ITPK1: variants seen among roughly 807,000 people sequenced by gnomAD.
The protein encoded by ITPK1 is inositol 1,3,4-trisphosphate 5/6-kinase.
ITPK1 carries 21 observed loss-of-function variants against 45.3 expected under a neutral mutation model. The ratio of observed to expected loss-of-function variants is 0.46; its 90% CI spans 0.33 to 0.67. The LOEUF (loss-of-function observed/expected upper bound fraction) is 0.67. Ranked by LOEUF, ITPK1 falls within the 30% of genes least tolerant of loss-of-function variation. ITPK1 has a pLI of 0.02. For synonymous variants in ITPK1, 258 were observed against 253.6 expected, an observed-to-expected ratio of 1.02 and a Z score of -0.16; for missense variants, 474 against 573.5, an observed-to-expected ratio of 0.83 and a Z score of 1.77.
chr14:93,034,778 C>T lies in ITPK1; in HGVS notation c.121-17977G>A, dbSNP rs1403958455. The stretch of plus-strand genomic sequence containing the variant: ...GCGGAGAAGGCTGGCATGGCCCCAG[C>T]ACACACGGGCAGTGGGCAGTGGGCA... On this transcript the variant is annotated intron_variant, in intron 3 of 10. Transcript: ENST00000267615. The surrounding 1 kb of genome is among the most constrained non-coding windows in gnomAD (Gnocchi z 4.1). 6.6e-6 allele frequency among the ~76,000 whole-genome samples: 1 copy of T among 152,272 alleles called. No individual in the cohort carries two copies. The highest frequency in any genetic ancestry group is 2.4e-5 in the African/African-American group (1 of 41,482).
chr14:93,028,417 A>G (rs1030942273), intron 3 of ITPK1, among the ~76,000 whole-genome samples: 10 of 152,168 alleles, frequency 6.6e-5, no homozygotes, highest in Admixed American at 1.3e-4. Context: ...AGCCAGGACA[A>G]TCTCTCCCCA....
intron 2 of ITPK1, among the ~76,000 whole-genome samples, chr14:93,103,547 C>T (rs1169879561): frequency 6.6e-6 from 1 of 152,166 alleles, no homozygotes; most frequent in Non-Finnish European, 1.5e-5. Context: ...AAGACTGACC[C>T]TGGGGCTCCA....
rs552669314 is a variant in ITPK1 at position 92,938,253 on chromosome 14, C to T, written c.*3308G>A. ...GATGACAGGCGTGAGCCGCCATGCC[C>T]GGCCAGAGTTTCTAGGGAATAGAAG... On this transcript the variant is annotated 3_prime_UTR_variant, in exon 11 of 11. Transcript: ENST00000267615. 11 of 590,020 alleles carry T rather than the reference C, an allele frequency of 1.9e-5. 1 individual carries two copies. The highest frequency in any genetic ancestry group is 2.7e-5 in the Non-Finnish European group (9 of 332,788). The allele number at this position is 590,020 out of a possible 1,614,324, so 36.5% of individuals were successfully genotyped here.
chr14:93,048,626 G>A lies in ITPK1; in HGVS notation c.120+27969C>T, dbSNP rs532087789. 7.9e-5 allele frequency among the ~76,000 whole-genome samples: 12 copies of A among 152,318 alleles called. No individual in the cohort carries two copies. In the East Asian group the frequency reaches 1.4e-3, roughly 17 times the overall value. On this transcript the variant is annotated intron_variant, in intron 3 of 10. Transcript: ENST00000267615. ...GAAGCGGGGAAGAAGGGGCCAGGGC[G>A]AAATAGCCAACCCTTTGAAAGAGAA...
chr14:92,984,135 AAGTTCCAAACTATGAAC>A (rs1305739099), intron 5 of ITPK1, among the ~76,000 whole-genome samples: 13 of 152,248 alleles, frequency 8.5e-5, no homozygotes, highest in Non-Finnish European at 1.5e-4. Flanking sequence ...CTAGAAAGAT[AAGTTCCAAACTATGAAC>A]AGTGGCTGCC....
chr14:92,996,125 T>TAG (rs778719430), intron 4 of ITPK1, among the ~76,000 whole-genome samples: 82 of 152,252 alleles, frequency 5.4e-4, no homozygotes, highest in Non-Finnish European at 1.0e-3. Flanking sequence ...CACAAGCCCC[T>TAG]AGTCCCAGCT....
chr14:93,030,094 G>A (rs1004726141), intron 3 of ITPK1, among the ~76,000 whole-genome samples: 1 of 152,230 alleles, frequency 6.6e-6, no homozygotes, highest in African/African-American at 2.4e-5. Context: ...AAGTTAGCGC[G>A]CAATGCAGGC....
intron 9 of ITPK1, among the ~76,000 whole-genome samples, chr14:92,946,834 C>T (rs1355453696): frequency 6.6e-6 from 1 of 152,220 alleles, no homozygotes; most frequent in African/African-American, 2.4e-5. Context: ...AGAATTTGGA[C>T]CCATATTTTT....
intron 3 of ITPK1, among the ~76,000 whole-genome samples, chr14:93,074,431 T>A (rs1891136110): frequency 6.6e-6 from 1 of 152,220 alleles, no homozygotes; most frequent in Non-Finnish European, 1.5e-5. Flanking sequence ...CCGACCCCTG[T>A]CCATCTCTCA....
intron 4 of ITPK1, among the ~76,000 whole-genome samples, chr14:92,996,431 C>CG (rs1887060570): frequency 1.1e-5 from 1 of 90,872 alleles, no homozygotes. Flanking sequence ...CGGGGCCTGT[C>CG]GCGGGGTGGG....
intron 9 of ITPK1, among the ~76,000 whole-genome samples, chr14:92,948,968 GCAGGACACA>G (rs765204247): frequency 2.0e-4 from 30 of 152,232 alleles, no homozygotes; most frequent in Non-Finnish European, 3.8e-4. Context: ...CCCCGGCTTT[GCAGGACACA>G]CAGGGCCCCC....
rs1302916075 is a variant in ITPK1, at chr14:93,076,175, C to G, written c.120+420G>C. 6.6e-6 allele frequency among the ~76,000 whole-genome samples: 1 copy of G among 151,940 alleles called. No homozygotes were observed. Among genetic ancestry groups the G allele is most frequent in the Admixed American group, 6.6e-5 (1 of 15,258 alleles). On this transcript the variant is annotated intron_variant, in intron 3 of 10. Transcript: ENST00000267615. The surrounding 1 kb of genome is among the most constrained non-coding windows in gnomAD (Gnocchi z 4.3). ...CTTCCTTCCCCCTCCATCCATTCTT[C>G]CTTCTTCTTCCATCCATCCTTCTTT...
intron 5 of ITPK1, among the ~76,000 whole-genome samples, chr14:92,970,879 C>A (rs1243116101): frequency 6.6e-6 from 1 of 152,176 alleles, no homozygotes; most frequent in Non-Finnish European, 1.5e-5. Flanking sequence ...CCGTGATCCG[C>A]CCGCCTCGGC....
intron 10 of ITPK1, among the ~76,000 whole-genome samples, chr14:92,942,249 T>C (rs1182860599): frequency 6.6e-6 from 1 of 152,150 alleles, no homozygotes. Context: ...AGCCAGTACA[T>C]GTGCAGGGGA....
At chr14:92,952,736 A>C (rs989972545) in intron 8 of ITPK1, among the ~76,000 whole-genome samples, 5 of 152,258 alleles carry the variant, frequency 3.3e-5, no homozygotes, top group Non-Finnish European at 7.3e-5. Flanking sequence ...AGACCAGTCC[A>C]AAGAATACTG....
chr14:93,083,524 C>T (rs888658998), intron 2 of ITPK1, among the ~76,000 whole-genome samples: 2 of 152,144 alleles, frequency 1.3e-5, no homozygotes, highest in Non-Finnish European at 2.9e-5. Flanking sequence ...ATCCAAGCAA[C>T]GTGTGGCACA....
chr14:93,102,100 T>C (rs934905650), intron 2 of ITPK1, among the ~76,000 whole-genome samples: 7 of 152,230 alleles, frequency 4.6e-5, no homozygotes, highest in African/African-American at 7.2e-5. Flanking sequence ...CCCTCCACAC[T>C]ACAGGCACCT....
rs774665527 is a variant in ITPK1, at chr14:92,958,182, TG to T, written c.670+18del. On this transcript the variant is annotated intron_variant, in intron 8 of 10. Coordinates refer to ENST00000267615, the MANE Select transcript of ITPK1 (RefSeq NM_014216.6). The surrounding 1 kb of genome is among the most constrained non-coding windows in gnomAD (Gnocchi z 4.4). Reference sequence around the variant, plus strand: ...CCCCTGAGTCTTGCTCAGCCCAAGATGGTGAGAAGAGCAGTTACCTGATGTG... The same window carrying T: ...CCCCTGAGTCTTGCTCAGCCCAAGATGTGAGAAGAGCAGTTACCTGATGTG... 6.2e-7 allele frequency: 1 copy of T among 1,613,506 alleles called. No individual in the cohort carries two copies. The highest frequency in any genetic ancestry group is 1.1e-5 in the South Asian group (1 of 91,056).
chr14:92,967,192 G>C (rs1258928167), intron 5 of ITPK1, among the ~76,000 whole-genome samples: 5 of 152,146 alleles, frequency 3.3e-5, no homozygotes, highest in African/African-American at 4.8e-5. Context: ...CATGAGAAGC[G>C]TCTAGTATCC....
Sources: allele counts gnomAD v4.1 joint callset (sites outside exome capture counted in the v4.1 genomes callset), GRCh38; gene constraint gnomAD v4.1.1; non-coding constraint Gnocchi (gnomAD v3.1); transcripts MANE v1.5; gene names NCBI Gene and HGNC (gene_info 2026-07-23, HGNC 2026-07-21).